Variants in SHISA9 observed in about 807,000 individuals in gnomAD.
SHISA9 encodes shisa family member 9, also known as protein shisa-9.
SHISA9 carries 13 observed loss-of-function variants against 38.0 expected under a neutral mutation model. The ratio of observed to expected loss-of-function variants is 0.34; its 90% CI spans 0.22 to 0.54. The LOEUF (loss-of-function observed/expected upper bound fraction) is 0.54, where lower values mean the gene tolerates loss of function less well. Ranked by LOEUF, SHISA9 falls within the 20% of genes least tolerant of loss-of-function variation. The pLI, the probability that SHISA9 is intolerant of heterozygous loss-of-function variation, is 0.91. For missense variants in SHISA9, 538 were observed against 575.8 expected (o/e 0.93, Z 0.67); for synonymous variants, 275 against 242.0 (o/e 1.14, Z -1.27).
At chr16:13,214,308 TCTC>T (rs2051147274) in intron 4 of SHISA9, among the ~76,000 whole-genome samples, 1 of 152,208 alleles carries the variant, frequency 6.6e-6, no homozygotes, top group African/African-American at 2.4e-5. Context: ...TTCAAGGGAT[TCTC>T]CTGCTTCAGC....
chr16:13,198,541 G>C (rs2050972618), intron 2 of SHISA9, among the ~76,000 whole-genome samples: 1 of 151,902 alleles, frequency 6.6e-6, no homozygotes, highest in Non-Finnish European at 1.5e-5. Context: ...TATTGTTCTA[G>C]TTTTCTTGGA....
chr16:13,432,631 C>T, the SHISA9 span, among the ~76,000 whole-genome samples: 1 of 151,950 alleles, frequency 6.6e-6, no homozygotes, highest in African/African-American at 2.4e-5. Flanking sequence ...AGTCCACAAA[C>T]AAATATTGTG....
At chr16:12,913,483 C>T (rs956767727) in intron 1 of SHISA9, among the ~76,000 whole-genome samples, 7 of 152,202 alleles carry the variant, frequency 4.6e-5, no homozygotes, top group African/African-American at 1.7e-4. Context: ...AGGTGTGAAC[C>T]ACTGCAACCA....
the SHISA9 span, among the ~76,000 whole-genome samples, chr16:13,368,691 A>G: frequency 1.3e-5 from 2 of 152,024 alleles, no homozygotes; most frequent in Non-Finnish European, 1.5e-5. Context: ...TAATAGATAC[A>G]TAAAATGCAT....
At chr16:12,963,821 C>A (rs2071942840) in intron 2 of SHISA9, among the ~76,000 whole-genome samples, 2 of 152,150 alleles carry the variant, frequency 1.3e-5, no homozygotes, top group African/African-American at 4.8e-5. Context: ...GAAAATTTAG[C>A]CCCGAGTTAG....
At chr16:13,164,348 G>A (rs2050618809) in intron 2 of SHISA9, among the ~76,000 whole-genome samples, 1 of 151,952 alleles carries the variant, frequency 6.6e-6, no homozygotes, top group Non-Finnish European at 1.5e-5. Flanking sequence ...ACTTAGTCAT[G>A]GTGTGTTATT....
intron 1 of SHISA9, among the ~76,000 whole-genome samples, chr16:12,915,298 G>A (rs760949865): frequency 1.3e-5 from 2 of 152,074 alleles, no homozygotes; most frequent in Non-Finnish European, 2.9e-5. Context: ...CTGAGACCAC[G>A]TCTCTACAAA....
intron 2 of SHISA9, among the ~76,000 whole-genome samples, chr16:13,120,659 G>C (rs993976631): frequency 6.6e-6 from 1 of 152,182 alleles, no homozygotes; most frequent in Non-Finnish European, 1.5e-5. Flanking sequence ...GCCCTGGAAG[G>C]TTGGCAAAGA....
At chr16:13,544,440 T>TG in the SHISA9 span, among the ~76,000 whole-genome samples, 25 of 145,578 alleles carry the variant, frequency 1.7e-4, no homozygotes, top group Admixed American at 9.6e-4. Context: ...TTTTTTTTTT[T>TG]TTTTTTTCCC....
chr16:13,202,973 A>C (rs1288835457), intron 2 of SHISA9, among the ~76,000 whole-genome samples: 1 of 152,218 alleles, frequency 6.6e-6, no homozygotes, highest in African/African-American at 2.4e-5. Flanking sequence ...CATCTCTGCC[A>C]GTACTCATGT....
chr16:13,087,147 C>CTTTTT (rs956913326), intron 2 of SHISA9, among the ~76,000 whole-genome samples: 12 of 81,616 alleles, frequency 1.5e-4, no homozygotes, highest in East Asian at 3.6e-4. Context: ...ATGAACTCGT[C>CTTTTT]TTTTTTTTTT....
At position 13,019,834 on chromosome 16, in the gene SHISA9, T is replaced by TTC. The variant is rs1191596862; in HGVS notation, c.691+103020_691+103021insCT. Among the ~76,000 whole-genome samples, 674 of 78,078 alleles carry TTC rather than the reference T, an allele frequency of 8.6e-3. 3 individuals carry two copies. The highest frequency in any genetic ancestry group is 0.02 in the East Asian group (42 of 2,136). 51.2% of individuals were successfully genotyped at this position (78,078 alleles called of 152,430 possible). A position where few individuals can be genotyped will look rare whatever the true frequency, so the allele number is the denominator to read the frequency against. On this transcript the variant is annotated intron_variant, in intron 2 of 4. Coordinates refer to ENST00000558583, the MANE Select transcript of SHISA9 (RefSeq NM_001145204.3). ...TTTCTTTCTTTCTTTCTTTCTTTCTTTTTCCTTCCTTCCCTCCCTCCCTCC... is the reference window on the plus strand; with the variant it reads ...TTTCTTTCTTTCTTTCTTTCTTTCTTTCTTTCCTTCCTTCCCTCCCTCCCTCC...
chr16:13,371,869 C>T, the SHISA9 span, among the ~76,000 whole-genome samples: 209 of 152,318 alleles, frequency 1.4e-3, no homozygotes, highest in African/African-American at 4.8e-3. Context: ...ACCCAAATCC[C>T]CTTTCAGATA....
At chr16:13,496,129 C>G in the SHISA9 span, among the ~76,000 whole-genome samples, 1 of 152,064 alleles carries the variant, frequency 6.6e-6, no homozygotes, top group Non-Finnish European at 1.5e-5. Context: ...TTCAGCATTT[C>G]AAAGATCAAC....
chr16:13,403,697 T>C, the SHISA9 span, among the ~76,000 whole-genome samples: 1 of 152,198 alleles, frequency 6.6e-6, no homozygotes, highest in African/African-American at 2.4e-5. Flanking sequence ...AATCATCTTC[T>C]GAGTAGGTTG....
chr16:13,476,788 G>A, the SHISA9 span, among the ~76,000 whole-genome samples: 15 of 120,300 alleles, frequency 1.2e-4, no homozygotes, highest in Admixed American at 3.4e-4. Context: ...TCGCTCTGTC[G>A]CCCAGGCTGG....
chr16:12,939,256 G>T (rs1042876741), intron 2 of SHISA9, among the ~76,000 whole-genome samples: 1 of 152,098 alleles, frequency 6.6e-6, no homozygotes, highest in Non-Finnish European at 1.5e-5. Context: ...GCTAATTTTT[G>T]TGTTTTTAGT....
intron 2 of SHISA9, among the ~76,000 whole-genome samples, chr16:12,948,158 G>T (rs1278675272): frequency 6.6e-6 from 1 of 152,184 alleles, no homozygotes; most frequent in African/African-American, 2.4e-5. Context: ...TATGCCATTA[G>T]CCCTTTTACA....
downstream of SHISA9, among the ~76,000 whole-genome samples, chr16:13,243,444 G>A (rs569620616): frequency 2.6e-5 from 4 of 151,976 alleles, no homozygotes; most frequent in African/African-American, 4.8e-5. Flanking sequence ...AACTCAAAGT[G>A]GGGGGGCTTC....
Sources: allele counts gnomAD v4.1 joint callset (sites outside exome capture counted in the v4.1 genomes callset), GRCh38; gene constraint gnomAD v4.1.1; transcripts MANE v1.5; gene names NCBI Gene and HGNC (gene_info 2026-07-23, HGNC 2026-07-21).